NCAM2: variants seen among roughly 807,000 people sequenced by gnomAD.
The protein encoded by NCAM2 is neural cell adhesion molecule 2, also known as N-CAM-2.
Under a neutral mutation model 98.1 loss-of-function variants are expected in NCAM2, and 30 were observed. The ratio of observed to expected loss-of-function variants is 0.31; its 90% CI spans 0.23 to 0.41. The LOEUF is 0.41. NCAM2 is among the 10% of genes least tolerant of loss of function. The pLI is 1.00. For missense variants in NCAM2, 867 were observed against 1,005.8 expected (o/e 0.86, Z 1.87); for synonymous variants, 368 against 342.4 (o/e 1.07, Z -0.83).
At chr21:21,295,674 C>G (rs1231629677) in intron 5 of NCAM2, among the ~76,000 whole-genome samples, 1 of 151,782 alleles carries the variant, frequency 6.6e-6, no homozygotes, top group Non-Finnish European at 1.5e-5. Flanking sequence ...TCCTGGGCAC[C>G]TTGATGAACA....
At chr21:21,055,832 G>A (rs2065199210) in intron 1 of NCAM2, among the ~76,000 whole-genome samples, 2 of 152,058 alleles carry the variant, frequency 1.3e-5, no homozygotes, top group Non-Finnish European at 2.9e-5. Context: ...GATTTGATGT[G>A]TGAAGTGAAA....
At chr21:21,425,040 CAAAAAAAAAAAA>C (rs1192128472) in intron 11 of NCAM2, among the ~76,000 whole-genome samples, 7,437 of 44,026 alleles carry the variant, frequency 0.17, 310 homozygotes, top group East Asian at 0.28. Context: ...CTTCCTCCTC[CAAAAAAAAAAAA>C]AAAAAAAAAA....
intron 9 of NCAM2, among the ~76,000 whole-genome samples, chr21:21,397,099 C>A (rs2076525755): frequency 6.6e-6 from 1 of 152,128 alleles, no homozygotes; most frequent in South Asian, 2.1e-4. Flanking sequence ...GTAGCTCTAT[C>A]CACTGGCAGG....
At position 21,095,941 on chromosome 21, in the gene NCAM2, C is replaced by T. The variant is rs922824117; in HGVS notation, c.55+97323C>T. 4.0e-5 allele frequency among the ~76,000 whole-genome samples: 6 copies of T among 150,752 alleles called. No homozygotes were observed. The South Asian group carries it at 8.3e-4, about 21-fold the overall frequency. ...TATATGTATCATTTTAAGTGAATTGCGAATGAGAGATAAGAAAGAAGAAAC... is the reference window on the plus strand; with the variant it reads ...TATATGTATCATTTTAAGTGAATTGTGAATGAGAGATAAGAAAGAAGAAAC... On this transcript the variant is annotated intron_variant, in intron 1 of 17. Transcript: ENST00000400546.
At chr21:21,098,683 A>C (rs2066175664) in intron 1 of NCAM2, among the ~76,000 whole-genome samples, 1 of 151,896 alleles carries the variant, frequency 6.6e-6, no homozygotes, top group Admixed American at 6.6e-5. Context: ...AGTATTTTCT[A>C]AGATGTGCGT....
intron 1 of NCAM2, among the ~76,000 whole-genome samples, chr21:21,203,804 T>C (rs965739940): frequency 1.3e-5 from 2 of 152,144 alleles, no homozygotes; most frequent in Non-Finnish European, 2.9e-5. Context: ...TTGAGATCTT[T>C]TTATGTTTTA....
intron 8 of NCAM2, among the ~76,000 whole-genome samples, chr21:21,366,286 T>C (rs995012784): frequency 3.9e-5 from 6 of 152,052 alleles, no homozygotes; most frequent in Non-Finnish European, 7.4e-5. Context: ...GCATCTCCTG[T>C]AGGATATTGT....
At chr21:21,015,693 G>T (rs901412472) in intron 1 of NCAM2, among the ~76,000 whole-genome samples, 1 of 151,780 alleles carries the variant, frequency 6.6e-6, no homozygotes, top group Non-Finnish European at 1.5e-5. Context: ...TTTCTGTTTT[G>T]TTTGTTTGTT....
intron 1 of NCAM2, among the ~76,000 whole-genome samples, chr21:21,008,504 A>G (rs1170161839): frequency 6.6e-6 from 1 of 152,208 alleles, no homozygotes; most frequent in Non-Finnish European, 1.5e-5. Context: ...TTAGAATAGG[A>G]TAATAAACTT....
chr21:21,142,056 C>T (rs978551735), intron 1 of NCAM2, among the ~76,000 whole-genome samples: 18 of 152,248 alleles, frequency 1.2e-4, no homozygotes, highest in Non-Finnish European at 2.5e-4. Context: ...TTTGCATAAT[C>T]GGTCATGTTA....
chr21:21,285,935 G>T (rs534285473), intron 3 of NCAM2, among the ~76,000 whole-genome samples: 2 of 152,024 alleles, frequency 1.3e-5, no homozygotes, highest in South Asian at 4.1e-4. Flanking sequence ...GCCCTGTGGT[G>T]AGAACAAACT....
chr21:21,263,888 C>T (rs1186113981), intron 1 of NCAM2, among the ~76,000 whole-genome samples: 1 of 151,750 alleles, frequency 6.6e-6, no homozygotes, highest in Non-Finnish European at 1.5e-5. Context: ...ATATAAAGTC[C>T]AAAAACATAA....
chr21:21,212,121 G>A (rs780628823), intron 1 of NCAM2, among the ~76,000 whole-genome samples: 2 of 152,124 alleles, frequency 1.3e-5, no homozygotes, highest in African/African-American at 2.4e-5. Context: ...TCCATAGCAG[G>A]TTTATTTGTA....
At chr21:21,497,474 G>A (rs1987323065) in intron 15 of NCAM2, among the ~76,000 whole-genome samples, 1 of 151,956 alleles carries the variant, frequency 6.6e-6, no homozygotes, top group African/African-American at 2.4e-5. Flanking sequence ...CCCTGAATCA[G>A]ATATTAAGAA....
chr21:21,247,750 G>A (rs1347076531), intron 1 of NCAM2, among the ~76,000 whole-genome samples: 1 of 152,112 alleles, frequency 6.6e-6, no homozygotes, highest in Non-Finnish European at 1.5e-5. Context: ...TTATTGTCCA[G>A]TACATACTTT....
At chr21:21,209,351 G>A (rs1358157795) in intron 1 of NCAM2, among the ~76,000 whole-genome samples, 6 of 152,154 alleles carry the variant, frequency 3.9e-5, no homozygotes, top group South Asian at 2.1e-4. Context: ...AGATAGCTCC[G>A]ACTATAGATG....
intron 1 of NCAM2, among the ~76,000 whole-genome samples, chr21:21,120,886 T>C (rs2066659943): frequency 6.6e-6 from 1 of 151,838 alleles, no homozygotes; most frequent in Admixed American, 6.6e-5. Flanking sequence ...GCCTGGCTGA[T>C]TTTTTATTTT....
rs970575396 is a variant in NCAM2 at position 21,177,331 on chromosome 21, A to G, written c.56-103247A>G. On this transcript the variant is annotated intron_variant, in intron 1 of 17. Coordinates refer to ENST00000400546, the MANE Select transcript of NCAM2 (RefSeq NM_004540.5). ...ATGTATTTGCTTAAAGATTTCACCC[A>G]TCATATATCTCTGACTCAAAATCCA... Among the ~76,000 whole-genome samples the G allele has an allele frequency of 3.3e-5, 5 of 150,932 alleles. No individual in the cohort carries two copies. In the East Asian group the frequency reaches 7.9e-4, roughly 24 times the overall value.
chr21:21,036,108 A>T (rs1285551014), intron 1 of NCAM2, among the ~76,000 whole-genome samples: 1 of 152,194 alleles, frequency 6.6e-6, no homozygotes, highest in East Asian at 1.9e-4. Context: ...TAGTAAAAAG[A>T]TTGAATTTAG....
Sources: allele counts gnomAD v4.1 joint callset (sites outside exome capture counted in the v4.1 genomes callset), GRCh38; gene constraint gnomAD v4.1.1; transcripts MANE v1.5; gene names NCBI Gene and HGNC (gene_info 2026-07-23, HGNC 2026-07-21).